The following CNBD1 variants were observed in gnomAD, a reference collection of about 807,000 sequenced individuals.
CNBD1 encodes the protein cyclic nucleotide-binding domain-containing protein 1.
CNBD1 carries 71 observed loss-of-function variants against 54.4 expected under a neutral mutation model. That is an observed-to-expected ratio of 1.30 (90% CI 1.08 to 1.59). The LOEUF (loss-of-function observed/expected upper bound fraction) is 1.59, where lower values mean the gene tolerates loss of function less well. CNBD1 is among the 40% of genes most tolerant of loss of function. CNBD1 has a pLI of 0.00. For synonymous variants in CNBD1, 182 were observed against 170.7 expected (o/e 1.07, Z -0.51); for missense variants, 659 against 518.0 (o/e 1.27, Z -2.64).
intron 6 of CNBD1, among the ~76,000 whole-genome samples, chr8:87,274,075 C>T (rs913502998): frequency 2.6e-5 from 4 of 152,032 alleles, no homozygotes; most frequent in Non-Finnish European, 5.9e-5. Context: ...CCAATTTCAT[C>T]CATGTCCCTA....
intron 10 of CNBD1, among the ~76,000 whole-genome samples, chr8:87,376,837 T>A (rs1168262311): frequency 1.3e-5 from 2 of 151,750 alleles, no homozygotes; most frequent in African/African-American, 4.8e-5. Context: ...CCCAATTCTG[T>A]CCAAATCCCA....
intron 5 of CNBD1, among the ~76,000 whole-genome samples, chr8:87,229,496 A>G (rs571103511): frequency 6.6e-6 from 1 of 152,082 alleles, no homozygotes. Flanking sequence ...TTGTTCTTTG[A>G]CACCTTAATT....
intron 3 of CNBD1, among the ~76,000 whole-genome samples, chr8:86,934,399 G>A (rs1416871717): frequency 6.6e-6 from 1 of 151,916 alleles, no homozygotes; most frequent in African/African-American, 2.4e-5. Context: ...TAATATCTGT[G>A]GATTCTTTTG....
intron 2 of CNBD1, among the ~76,000 whole-genome samples, chr8:86,891,335 TAGAC>T (rs1445769307): frequency 1.3e-5 from 2 of 152,106 alleles, no homozygotes. Context: ...CACCACTTAT[TAGAC>T]AGACTGTCCT....
chr8:87,148,292 ACTTT>A lies in CNBD1; in HGVS notation c.432-57697_432-57694del, dbSNP rs147608888. On this transcript the variant is annotated intron_variant, in intron 4 of 10. Transcript: ENST00000518476. ...ATAAAGGCATTTACATTTTTCAAAAACTTTCTTGCCTTAGAGATGGCGTGATTTG... is the reference window on the plus strand; with the variant it reads ...ATAAAGGCATTTACATTTTTCAAAAACTTGCCTTAGAGATGGCGTGATTTG... 9.8e-3 allele frequency among the ~76,000 whole-genome samples: 1,488 copies of A among 152,262 alleles called. 34 individuals are homozygous for A. The highest frequency in any genetic ancestry group is 0.034 in the African/African-American group (1,416 of 41,552).
In CNBD1 at chr8:87,174,491, T is replaced by C. The variant is rs1813157483; in HGVS notation, c.432-31502T>C. Among the ~76,000 whole-genome samples, 3 of 152,204 alleles carry C rather than the reference T, an allele frequency of 2.0e-5. No homozygotes were observed. The East Asian group carries it at 5.8e-4, about 29-fold the overall frequency. ...TCTGAATTCCTTCTCTGTGTTATCT[T>C]TAATTTCTTTAAGTTTCCTCAAATC... On this transcript the variant is annotated intron_variant, in intron 4 of 10. Transcript: ENST00000518476.
intron 10 of CNBD1, 190 bp downstream of exon 10, chr8:87,353,976 G>A (rs1447205502): frequency 4.7e-6 from 2 of 429,534 alleles, no homozygotes; most frequent in Non-Finnish European, 8.4e-6. Context: ...GCACATGTTT[G>A]TAGAGTGGGC....
At chr8:86,968,593 G>A (rs56363223) in intron 4 of CNBD1, among the ~76,000 whole-genome samples, 5 of 152,174 alleles carry the variant, frequency 3.3e-5, no homozygotes, top group East Asian at 1.9e-4. Flanking sequence ...GATTTTGAAG[G>A]CCTCAGTATT....
chr8:86,892,689 A>T (rs976433699), intron 2 of CNBD1, among the ~76,000 whole-genome samples: 2 of 152,156 alleles, frequency 1.3e-5, no homozygotes, highest in African/African-American at 4.8e-5. Flanking sequence ...TAAGAGTTCG[A>T]TAGAGACAAT....
intron 5 of CNBD1, among the ~76,000 whole-genome samples, chr8:87,217,202 C>T (rs1814231947): frequency 6.6e-6 from 1 of 151,906 alleles, no homozygotes. Flanking sequence ...AAACTTAGAG[C>T]ATTGAAAAAT....
intron 2 of CNBD1, among the ~76,000 whole-genome samples, chr8:87,394,241 C>G (rs78652216): frequency 6.6e-6 from 1 of 151,774 alleles, no homozygotes; most frequent in African/African-American, 2.4e-5. Context: ...AGACTCCTAA[C>G]AATGCAAAGC....
intron 3 of CNBD1, among the ~76,000 whole-genome samples, chr8:86,914,605 TG>T (rs1191230388): frequency 1.3e-5 from 2 of 152,214 alleles, no homozygotes; most frequent in Non-Finnish European, 2.9e-5. Context: ...AAATGAAAGT[TG>T]GTTAATTTTG....
chr8:87,225,428 T>A (rs1367450407), intron 5 of CNBD1, among the ~76,000 whole-genome samples: 1 of 152,012 alleles, frequency 6.6e-6, no homozygotes, highest in Non-Finnish European at 1.5e-5. Context: ...ATACCTAATT[T>A]ATTGAGAGTT....
intron 2 of CNBD1, among the ~76,000 whole-genome samples, chr8:87,427,643 A>G (rs1808072493): frequency 6.6e-6 from 1 of 152,232 alleles, no homozygotes. Flanking sequence ...GTTTATATAA[A>G]TAATTTAAAA....
chr8:87,054,242 C>T (rs567959786), intron 4 of CNBD1, among the ~76,000 whole-genome samples: 7 of 152,350 alleles, frequency 4.6e-5, no homozygotes, highest in African/African-American at 1.7e-4. Flanking sequence ...ACTCCAATTA[C>T]TCTCCAGACA....
intron 4 of CNBD1, among the ~76,000 whole-genome samples, chr8:87,147,789 C>G (rs1439442485): frequency 5.9e-5 from 9 of 152,076 alleles, no homozygotes; most frequent in African/African-American, 2.2e-4. Flanking sequence ...AGGAAACTGT[C>G]AGCACTGATC....
chr8:86,975,324 C>T (rs1297202521), intron 4 of CNBD1, among the ~76,000 whole-genome samples: 1 of 151,928 alleles, frequency 6.6e-6, no homozygotes, highest in Admixed American at 6.6e-5. Context: ...ACAACCAGAA[C>T]CTTCCTGTCT....
chr8:87,355,389 C>T (rs374384412), intron 10 of CNBD1, among the ~76,000 whole-genome samples: 2 of 152,022 alleles, frequency 1.3e-5, no homozygotes, highest in East Asian at 3.9e-4. Context: ...ATGTAACATC[C>T]TCAATATTTA....
At chr8:87,022,328 T>A (rs1809506542) in intron 4 of CNBD1, among the ~76,000 whole-genome samples, 1 of 152,180 alleles carries the variant, frequency 6.6e-6, no homozygotes, top group African/African-American at 2.4e-5. Flanking sequence ...GGGTTTTTTG[T>A]GGTTAGCTGT....
Sources: gnomAD v4.1 joint callset for allele counts (sites outside exome capture counted in the v4.1 genomes callset) on GRCh38, gnomAD v4.1.1 for gene constraint, MANE v1.5 for transcripts, NCBI Gene and HGNC (gene_info 2026-07-23, HGNC 2026-07-21) for gene names.